STAG1: variants seen among roughly 807,000 people sequenced by gnomAD.
The protein encoded by STAG1 is STAG1 cohesin complex component.
A neutral mutation model predicts 170.9 loss-of-function variants in STAG1; 26 were observed. The ratio of observed to expected loss-of-function variants is 0.15; its 90% CI spans 0.11 to 0.21. The LOEUF (loss-of-function observed/expected upper bound fraction) is 0.21, where lower values mean the gene tolerates loss of function less well. Ranked by LOEUF, STAG1 falls within the 10% of genes least tolerant of loss-of-function variation. The probability of loss-of-function intolerance (pLI) is 1.00; values close to 1 mark genes in which losing one functional copy is unlikely to be tolerated. For synonymous variants in STAG1, 514 were observed against 497.7 expected, an observed-to-expected ratio of 1.03 and a Z score of -0.44; for missense variants, 964 against 1,509.5, an observed-to-expected ratio of 0.64 and a Z score of 5.99.
At chr3:136,589,826 G>A (rs1938063640) in intron 4 of STAG1, among the ~76,000 whole-genome samples, 1 of 151,644 alleles carries the variant, frequency 6.6e-6, no homozygotes, top group East Asian at 2.0e-4. Flanking sequence ...AGCTACTCGG[G>A]AGGCTGAGGC....
At chr3:136,548,139 G>T (rs1936237875) in intron 5 of STAG1, among the ~76,000 whole-genome samples, 1 of 150,862 alleles carries the variant, frequency 6.6e-6, no homozygotes, top group Non-Finnish European at 1.5e-5. Flanking sequence ...TTTGAGACAG[G>T]GTCTCACTCT....
intron 21 of STAG1, among the ~76,000 whole-genome samples, chr3:136,400,693 G>A (rs1197532269): frequency 1.3e-5 from 2 of 151,922 alleles, no homozygotes; most frequent in African/African-American, 4.8e-5. Flanking sequence ...CTGCCACCAC[G>A]CCTGGCTAAT....
At chr3:136,631,140 A>T (rs544387474) in intron 1 of STAG1, among the ~76,000 whole-genome samples, 159 bp from the exon 2 acceptor site, 61 of 152,366 alleles carry the variant, frequency 4.0e-4, no homozygotes, top group Middle Eastern at 3.4e-3. Context: ...AGTTTTATTC[A>T]TAACTGCCAA....
intron 1 of STAG1, among the ~76,000 whole-genome samples, chr3:136,638,061 A>G (rs1940644396): frequency 6.6e-6 from 1 of 150,584 alleles, no homozygotes; most frequent in Admixed American, 6.6e-5. Flanking sequence ...ACACGCCACT[A>G]TGCCTGGCTA....
At chr3:136,622,135 TAAAAAAA>T (rs75542452) in intron 3 of STAG1, among the ~76,000 whole-genome samples, 1 of 92,814 alleles carries the variant, frequency 1.1e-5, no homozygotes, top group African/African-American at 4.6e-5. Flanking sequence ...CCATCTCTAC[TAAAAAAA>T]AAAAAAAAAA....
chr3:136,464,762 G>A (rs974669154), intron 13 of STAG1, 119 bp downstream of exon 13: 5 of 739,220 alleles, frequency 6.8e-6, no homozygotes, highest in African/African-American at 3.6e-5. Flanking sequence ...AGCCCCTGGA[G>A]TATCAGATGG....
chr3:136,377,386 C>CAAAAAAAAAAAAAAAAAAAAAAAA (rs57934830), intron 23 of STAG1, among the ~76,000 whole-genome samples: 1 of 42,582 alleles, frequency 2.3e-5, no homozygotes, highest in Non-Finnish European at 3.6e-5. Flanking sequence ...GACTCTGTCT[C>CAAAAAAAAAAAAAAAAAAAAAAAA]AAAAAAAAAA....
At chr3:136,395,500 A>G (rs2087123949) in intron 22 of STAG1, among the ~76,000 whole-genome samples, 1 of 152,124 alleles carries the variant, frequency 6.6e-6, no homozygotes, top group African/African-American at 2.4e-5. Context: ...ATGCGCCTGT[A>G]ATCCCAGCTA....
In STAG1 at chr3:136,337,886, GT is replaced by G. The variant is rs770361231; in HGVS notation, c.*367del. The stretch of plus-strand genomic sequence containing the variant: ...AACAGGAAAATAAAGTTAAAAATAT[GT>G]TTTTTTTTACTCAATGTTGAGTTTT... On this transcript the variant is annotated 3_prime_UTR_variant, in exon 34 of 34. Transcript: ENST00000383202. 9.0e-5 allele frequency: 16 copies of G among 177,736 alleles called. No homozygotes were observed. The highest frequency in any genetic ancestry group is 1.5e-4 in the East Asian group (1 of 6,790). 11.0% of individuals were successfully genotyped at this position (177,736 alleles called of 1,614,324 possible).
At chr3:136,528,499 C>A (rs1018695496) in intron 6 of STAG1, among the ~76,000 whole-genome samples, 2 of 139,232 alleles carry the variant, frequency 1.4e-5, no homozygotes, top group South Asian at 2.3e-4. Context: ...CCCGCACCCC[C>A]CCCCCCAAAA....
chr3:136,372,292 A>C (rs1008546586), intron 23 of STAG1, among the ~76,000 whole-genome samples: 1 of 152,356 alleles, frequency 6.6e-6, no homozygotes, highest in South Asian at 2.1e-4. Flanking sequence ...TGTCATCTGC[A>C]AACAGGGACA....
intron 1 of STAG1, among the ~76,000 whole-genome samples, chr3:136,670,162 C>T (rs1490403934): frequency 6.6e-6 from 1 of 152,210 alleles, no homozygotes; most frequent in Non-Finnish European, 1.5e-5. Flanking sequence ...ATATTAGCAG[C>T]AATGCCTGTG....
At chr3:136,441,600 A>C (rs1050443350) in intron 15 of STAG1, among the ~76,000 whole-genome samples, 2 of 152,196 alleles carry the variant, frequency 1.3e-5, no homozygotes, top group African/African-American at 2.4e-5. Flanking sequence ...CAGAATAGAT[A>C]ATACAAATTA....
At chr3:136,596,758 G>A (rs1938445719) in intron 4 of STAG1, among the ~76,000 whole-genome samples, 1 of 152,126 alleles carries the variant, frequency 6.6e-6, no homozygotes, top group South Asian at 2.1e-4. Context: ...TAGAATTCTA[G>A]TTTACTCATT....
chr3:136,579,035 G>C (rs1937538070), intron 4 of STAG1, among the ~76,000 whole-genome samples: 1 of 152,190 alleles, frequency 6.6e-6, no homozygotes, highest in South Asian at 2.1e-4. Flanking sequence ...GAAAGAAGCA[G>C]GGGTGGTAAA....
At chr3:136,612,335 G>A (rs980865778) in intron 3 of STAG1, among the ~76,000 whole-genome samples, 7 of 151,938 alleles carry the variant, frequency 4.6e-5, no homozygotes, top group South Asian at 2.1e-4. Flanking sequence ...GGCTGGGCAC[G>A]GTGGCTCACA....
At chr3:136,582,087 C>T (rs1346980730) in intron 4 of STAG1, among the ~76,000 whole-genome samples, 2 of 151,878 alleles carry the variant, frequency 1.3e-5, no homozygotes, top group Non-Finnish European at 2.9e-5. Flanking sequence ...CTTAGTAAGT[C>T]ACTAAGTGCT....
intron 1 of STAG1, among the ~76,000 whole-genome samples, chr3:136,734,339 T>C (rs866342013): frequency 2.0e-5 from 3 of 152,166 alleles, no homozygotes; most frequent in South Asian, 2.1e-4. Flanking sequence ...TTTGACTATG[T>C]ATAAAACATT....
At chr3:136,550,985 A>C (rs1370834819) in intron 5 of STAG1, among the ~76,000 whole-genome samples, 1 of 152,124 alleles carries the variant, frequency 6.6e-6, no homozygotes, top group African/African-American at 2.4e-5. Context: ...ACTGATTATT[A>C]ATCATGAACA....
Sources: gnomAD v4.1 joint callset for allele counts (sites outside exome capture counted in the v4.1 genomes callset) on GRCh38, gnomAD v4.1.1 for gene constraint, MANE v1.5 for transcripts, NCBI Gene and HGNC (gene_info 2026-07-23, HGNC 2026-07-21) for gene names.